MICALL2: variants seen among roughly 807,000 people sequenced by gnomAD.
The protein encoded by MICALL2 is MICAL like 2.
A neutral mutation model predicts 91.1 loss-of-function variants in MICALL2; 111 were observed. The observed-to-expected ratio is 1.22, with a 90% CI of 1.04 to 1.43. The LOEUF is 1.43. Ranked by LOEUF, MICALL2 falls within the 40% of genes most tolerant of loss-of-function variation. The probability of loss-of-function intolerance (pLI) is 0.00; values close to 1 mark genes in which losing one functional copy is unlikely to be tolerated. For synonymous variants in MICALL2, 694 were observed against 525.3 expected (o/e 1.32, Z -4.39); for missense variants, 1,556 against 1,236.0 (o/e 1.26, Z -3.88).
chr7:1,443,386 G>C (rs1210045493), intron 6 of MICALL2, among the ~76,000 whole-genome samples: 1 of 152,098 alleles, frequency 6.6e-6, no homozygotes, highest in African/African-American at 2.4e-5. Context: ...TCTGAGCAGG[G>C]GACGCCTGCA....
At chr7:1,443,160 A>C (rs568579845) in intron 6 of MICALL2, among the ~76,000 whole-genome samples, 17 of 133,340 alleles carry the variant, frequency 1.3e-4, no homozygotes, top group Non-Finnish European at 2.5e-4. Flanking sequence ...CAGCTTCCCC[A>C]GAGGAGCTGG....
At chr7:1,450,545 C>A in intron 1 of MICALL2, 1 of 458,226 alleles carries the variant, frequency 2.2e-6, no homozygotes. Context: ...CAGGCCGCCC[C>A]TCACCAGTGC....
chr7:1,434,722 G>A lies in MICALL2; in HGVS notation c.2639-50C>T, dbSNP rs372288419. The A allele has an allele frequency of 1.2e-3, 1,811 of 1,498,240 alleles. 1 individual carries two copies. The highest frequency in any genetic ancestry group is 1.5e-3 in the Non-Finnish European group (1,707 of 1,118,788). The allele number at this position is 1,498,240 out of a possible 1,614,324, so 92.8% of individuals were successfully genotyped here. A position where few individuals can be genotyped will look rare whatever the true frequency, so the allele number is the denominator to read the frequency against. On this transcript the variant is annotated intron_variant, in intron 16 of 16. Transcript: ENST00000297508. ...CCGTGCTCAACGCCGCAGCCGCACA[G>A]CCGTGGCCCACACAAGTCCCCCTGC...
chr7:1,447,788 G>A lies in MICALL2; in HGVS notation c.335-23C>T, dbSNP rs79384014. The A allele has an allele frequency of 6.1e-3, 9,112 of 1,488,330 alleles. 475 individuals carry two copies. In the African/African-American group the frequency reaches 0.11, roughly 19 times the overall value. The allele number at this position is 1,488,330 out of a possible 1,614,324, so 92.2% of individuals were successfully genotyped here. ...CAACTGGAGGAATCAAGCAGGGATC[G>A]GGAGGGTCCCAGGCCTGGCTCTGAA... On this transcript the variant is annotated intron_variant, in intron 3 of 16. Coordinates refer to ENST00000297508, the MANE Select transcript of MICALL2 (RefSeq NM_182924.4).
chr7:1,439,684 T>C lies in MICALL2; in HGVS notation c.1966+241A>G, dbSNP rs918683285. ...ACACACATGAACACAGATGTACACATGCGCACACATGCATCACGCATGGAT... is the reference window on the plus strand; with the variant it reads ...ACACACATGAACACAGATGTACACACGCGCACACATGCATCACGCATGGAT... On this transcript the variant is annotated intron_variant, in intron 9 of 16. Coordinates refer to ENST00000297508, the MANE Select transcript of MICALL2 (RefSeq NM_182924.4). The C allele has an allele frequency of 1.6e-4, 66 of 419,372 alleles. 1 individual carries two copies. The Admixed American group carries it at 2.5e-3, about 16-fold the overall frequency. The allele number at this position is 419,372 out of a possible 1,614,324, so 26.0% of individuals were successfully genotyped here. A position where few individuals can be genotyped will look rare whatever the true frequency, so the allele number is the denominator to read the frequency against.
At chr7:1,453,522 G>A (rs191778710) in intron 1 of MICALL2, among the ~76,000 whole-genome samples, 15 of 152,198 alleles carry the variant, frequency 9.9e-5, no homozygotes, top group Non-Finnish European at 2.1e-4. Context: ...GAAACCGCCC[G>A]TTTGGGGGAC....
intron 1 of MICALL2, among the ~76,000 whole-genome samples, chr7:1,455,151 C>T (rs1165581390): frequency 6.6e-6 from 1 of 152,262 alleles, no homozygotes; most frequent in East Asian, 1.9e-4. Context: ...CCCTCCCAGC[C>T]CAGACACGCT....
intron 1 of MICALL2, among the ~76,000 whole-genome samples, chr7:1,456,431 T>A (rs990777300): frequency 6.6e-6 from 1 of 151,520 alleles, no homozygotes; most frequent in African/African-American, 2.4e-5. Context: ...AGAAAAAATA[T>A]GAAAATCGGC....
intron 15 of MICALL2, 94 bp from the exon 16 acceptor site, chr7:1,435,241 C>G: frequency 7.6e-7 from 1 of 1,323,718 alleles, no homozygotes; most frequent in Non-Finnish European, 1.1e-6. Context: ...CACCCCAGCC[C>G]TGAGTCCCGC....
rs767131208 is a variant in MICALL2 at position 1,444,858 on chromosome 7, TG to T, written c.1211del (p.Pro404GlnfsTer93). On this transcript the variant is annotated frameshift_variant, in exon 6 of 17. Transcript: ENST00000297508. LOFTEE classifies it high-confidence loss of function. ...SSTSAATVDP[P>X]AWTPSASRTQ... ...TCCTGGAGGCGGACGGGGTCCAGGC[TG>T]GGGGGTCCACCGTGGCTGCAGATGT... 8 of 1,603,112 alleles carry T rather than the reference TG, an allele frequency of 5.0e-6. No individual in the cohort carries two copies. Among genetic ancestry groups the T allele is most frequent in the Admixed American group, 1.7e-5 (1 of 59,436 alleles).
At position 1,438,859 on chromosome 7, in the gene MICALL2, A is replaced by C; in HGVS notation, c.2103T>G (p.Pro701=). 6.2e-7 allele frequency: 1 copy of C among 1,606,762 alleles called. No homozygotes were observed. The highest frequency in any genetic ancestry group is 8.5e-7 in the Non-Finnish European group (1 of 1,176,154). The change falls in exon 10 of 17, where the codon CCT becomes CCG. Residue 701 remains proline (P), a synonymous_variant. Transcript: ENST00000297508. ...VQSWKEEEKK[P]HLQGKPGRPL... ...GCTGACCTGGTTTGCCCTGAAGGTG[A>C]GGTTTCTTCTCCTCCTCCTTCCAGC... is the stretch of plus-strand genomic sequence containing the variant.
intron 15 of MICALL2, among the ~76,000 whole-genome samples, chr7:1,435,398 C>A (rs1779918266): frequency 7.0e-6 from 1 of 143,316 alleles, no homozygotes; most frequent in Admixed American, 6.8e-5. Flanking sequence ...ACACAGGTGA[C>A]CTGGGACAGA....
At chr7:1,437,749 A>G (rs115986187) in intron 13 of MICALL2, 141 bp from the exon 14 acceptor site, 11 of 1,174,548 alleles carry the variant, frequency 9.4e-6, no homozygotes, top group South Asian at 6.6e-5. Flanking sequence ...CGCCTGGCCC[A>G]CCCAGACCGC....
In MICALL2 at chr7:1,434,630, C is replaced by T; in HGVS notation, c.2681G>A (p.Trp894Ter). The T allele has an allele frequency of 1.3e-6, 2 of 1,587,304 alleles. No individual in the cohort carries two copies. The highest frequency in any genetic ancestry group is 2.2e-5 in the East Asian group (1 of 44,658). ...KKSKFRLSKI[W>*]SPKSKSSPSQ ...GGGGCTGCTTTTGCTTTTTGGTGAC[C>T]AGATCTTGGACAAGCGGAACTTGGA... Residue 894 changes from tryptophan to a stop codon, truncating the protein, a stop_gained, in exon 17 of 17, where the codon TGG (tryptophan) becomes TAG (stop). Coordinates refer to ENST00000297508, the MANE Select transcript of MICALL2 (RefSeq NM_182924.4). LOFTEE classifies it low-confidence loss of function (END_TRUNC).
intron 15 of MICALL2, among the ~76,000 whole-genome samples, 191 bp downstream of exon 15, chr7:1,436,551 C>CA (rs59955608): frequency 0.03 from 2,258 of 74,260 alleles, 40 homozygotes; most frequent in Non-Finnish European, 0.043. Flanking sequence ...GACTCTGTCT[C>CA]AAAAAAAAAA....
chr7:1,441,644 T>TGGACACCACCAGGGGGACAGGGCATACTG (rs1780282782), intron 7 of MICALL2: 2 of 163,046 alleles, frequency 1.2e-5, no homozygotes, highest in Middle Eastern at 3.1e-3. Context: ...CGCTCTCACC[T>TGGACACCACCAGGGGGACAGGGCATACTG]GGACACCACC....
Position 1,440,729 on chromosome 7 carries a change from G to A in MICALL2, c.1712-45C>T, listed in dbSNP as rs772348456. ...TCTGGGTGTGAGGAAGGAGTGCTGG[G>A]AATGGGGTGTCTGCAAGGGTGGCTG... On this transcript the variant is annotated intron_variant, in intron 7 of 16. Transcript: ENST00000297508. 129 of 1,524,096 alleles carry A rather than the reference G, an allele frequency of 8.5e-5. No homozygotes were observed. In the Admixed American group the frequency reaches 2.1e-3, roughly 25 times the overall value. 94.4% of individuals were successfully genotyped at this position (1,524,096 alleles called of 1,614,324 possible).
intron 6 of MICALL2, 130 bp downstream of exon 6, chr7:1,444,522 T>C (rs1032822773): frequency 1.3e-5 from 12 of 897,954 alleles, no homozygotes; most frequent in Admixed American, 5.7e-5. Flanking sequence ...GGAAACAGGC[T>C]GGGGGAAGTG....
chr7:1,445,323 G>T lies in MICALL2; in HGVS notation c.747C>A (p.Ser249Arg). ...GGGGGACCAGACCCGTCAACTTGGG[G>T]CTTGCAGAGGCGGCTGCGGGGAGGT... ...TSHLPAAASA[S>R]PKLTGLVPRQ... The change falls in exon 6 of 17, where the codon AGC becomes AGA. Residue 249 changes from serine (S) to arginine (R), a missense_variant. Ser to Arg is a moderately radical substitution (Grantham distance 110). Coordinates refer to ENST00000297508, the MANE Select transcript of MICALL2 (RefSeq NM_182924.4). The T allele has an allele frequency of 1.2e-6, 2 of 1,610,172 alleles. No homozygotes were observed. The highest frequency in any genetic ancestry group is 1.7e-6 in the Non-Finnish European group (2 of 1,179,568).
Sources: gnomAD v4.1 joint callset for allele counts (sites outside exome capture counted in the v4.1 genomes callset) on GRCh38, gnomAD v4.1.1 for gene constraint, MANE v1.5 for transcripts, NCBI Gene and HGNC (gene_info 2026-07-23, HGNC 2026-07-21) for gene names.